CACNA1A: variants seen among roughly 807,000 people sequenced by gnomAD.
CACNA1A encodes voltage-dependent P/Q-type calcium channel subunit alpha-1A.
Under a neutral mutation model 262.4 loss-of-function variants are expected in CACNA1A, and 57 were observed. The ratio of observed to expected loss-of-function variants is 0.22; its 90% CI spans 0.18 to 0.27. The LOEUF (loss-of-function observed/expected upper bound fraction) is 0.27, where lower values mean the gene tolerates loss of function less well. CACNA1A is among the 10% of genes least tolerant of loss of function. CACNA1A has a pLI of 1.00. For synonymous variants in CACNA1A, 1,431 were observed against 1,419.3 expected, an observed-to-expected ratio of 1.01 and a Z score of -0.18; for missense variants, 2,526 against 3,562.8, an observed-to-expected ratio of 0.71 and a Z score of 7.41.
intron 8 of CACNA1A, among the ~76,000 whole-genome samples, 200 bp from the exon 9 acceptor site, chr19:13,333,125 C>A (rs1189949675): frequency 6.6e-6 from 1 of 152,108 alleles, no homozygotes; most frequent in Non-Finnish European, 1.5e-5. Context: ...ACATTCTCCC[C>A]ACCTCGCGCA....
chr19:13,297,853 G>GTC (rs1568505892), intron 19 of CACNA1A, among the ~76,000 whole-genome samples: 1 of 151,438 alleles, frequency 6.6e-6, no homozygotes, highest in Non-Finnish European at 1.5e-5. Flanking sequence ...TTGAGACAGA[G>GTC]TCTTGCTCTG....
At position 13,371,755 on chromosome 19, in the gene CACNA1A, C is replaced by T. The variant is rs955675148; in HGVS notation, c.564G>A (p.Glu188=). Residue 188 remains glutamate (E), a synonymous_variant, in exon 4 of 47, where the codon GAG becomes GAA. Transcript: ENST00000360228. ...LTGILATVGT[E]FDLRTLRAVR... is the part of the protein sequence containing the mutation. The stretch of plus-strand genomic sequence containing the variant: ...CTGCCCTCAGCGTCCGTAGGTCAAA[C>T]TCCGTCCCAACTGTCGCCAAGATGC... 1 of 1,577,146 alleles carries T rather than the reference C, an allele frequency of 6.3e-7. No homozygotes were observed. The highest frequency in any genetic ancestry group is 1.3e-5 in the African/African-American group (1 of 74,214).
chr19:13,314,271 T>G (rs1168604405), intron 11 of CACNA1A, among the ~76,000 whole-genome samples: 3 of 152,180 alleles, frequency 2.0e-5, no homozygotes, highest in Non-Finnish European at 4.4e-5. Flanking sequence ...CTAACTTCCA[T>G]GAATTTCATA....
At chr19:13,497,524 ATATATATATATATAT>A (rs1981795755) in intron 1 of CACNA1A, among the ~76,000 whole-genome samples, 1 of 1,084 alleles carries the variant, frequency 9.2e-4, no homozygotes, top group Admixed American at 0.029. Flanking sequence ...AAAAAAAAAT[ATATATATATATATAT>A]ATATATATAT....
rs774629539 is a variant in CACNA1A, at chr19:13,308,158, G to A, written c.1875C>T (p.Val625=). ...SLLFLLFLFI[V]VFALLGMQLF... ...GTTGCATTCCCAAAAGGGCGAAGACGACAATGAACAGGAAAAGGAGAAACA... is the reference window on the plus strand; with the variant it reads ...GTTGCATTCCCAAAAGGGCGAAGACAACAATGAACAGGAAAAGGAGAAACA... The change falls in exon 14 of 47, where the codon GTC becomes GTT. Residue 625 remains valine, a synonymous_variant. Transcript: ENST00000360228. The surrounding 1 kb of genome is among the most constrained non-coding windows in gnomAD (Gnocchi z 4.2). 3 of 1,613,832 alleles carry A rather than the reference G, an allele frequency of 1.9e-6. No individual in the cohort carries two copies. The highest frequency in any genetic ancestry group is 1.7e-6 in the Non-Finnish European group (2 of 1,179,884).
intron 1 of CACNA1A, among the ~76,000 whole-genome samples, chr19:13,504,891 C>A (rs576178163): frequency 7.9e-5 from 12 of 152,090 alleles, no homozygotes; most frequent in Non-Finnish European, 1.3e-4. Flanking sequence ...TAAAGAAACA[C>A]AGAAGATCTG....
chr19:13,274,867 T>C (rs1287914038), intron 24 of CACNA1A: 2 of 152,166 alleles, frequency 1.3e-5, no homozygotes, highest in African/African-American at 4.8e-5. Flanking sequence ...TACCCAGAAC[T>C]TGAAGGCCAC....
intron 19 of CACNA1A, among the ~76,000 whole-genome samples, chr19:13,288,742 C>T (rs2144898586): frequency 6.6e-6 from 1 of 152,170 alleles, no homozygotes; most frequent in Middle Eastern, 3.4e-3. Flanking sequence ...GACCCCTGGA[C>T]AACACAGCCC....
In CACNA1A at chr19:13,307,769, G is replaced by A. The variant is rs986828728; in HGVS notation, c.1986+13C>T. The A allele has an allele frequency of 6.2e-7, 1 of 1,613,210 alleles. No individual in the cohort carries two copies. The highest frequency in any genetic ancestry group is 8.5e-7 in the Non-Finnish European group (1 of 1,179,116). On this transcript the variant is annotated intron_variant, in intron 15 of 46. Coordinates refer to ENST00000360228, the MANE Select transcript of CACNA1A (RefSeq NM_001127222.2). The stretch of plus-strand genomic sequence containing the variant: ...GAGAGGTGTTGGCCCGTGGGGCCAG[G>A]TGGAGGCTGTACCTGAAACACCGTC...
At chr19:13,449,694 A>T (rs2042220050) in intron 3 of CACNA1A, among the ~76,000 whole-genome samples, 1 of 152,220 alleles carries the variant, frequency 6.6e-6, no homozygotes, top group Admixed American at 6.5e-5. Flanking sequence ...GAAGTGTAAA[A>T]ATAGGTAGCA....
intron 15 of CACNA1A, among the ~76,000 whole-genome samples, chr19:13,305,098 G>A (rs2057873800): frequency 6.6e-6 from 1 of 152,200 alleles, no homozygotes; most frequent in African/African-American, 2.4e-5. Flanking sequence ...GTAGGGGAGA[G>A]GAGAAGTGAG....
chr19:13,334,559 GTT>G lies in CACNA1A; in HGVS notation c.1083-68_1083-67del, dbSNP rs146977188. On this transcript the variant is annotated intron_variant, in intron 7 of 46. Coordinates refer to ENST00000360228, the MANE Select transcript of CACNA1A (RefSeq NM_001127222.2). Reference sequence around the variant, plus strand: ...AATGTTAGGAAACGTTTGTGTGTGTGTTTGTGTGTGTGTGTGTGTGTGTGTGT... The same window carrying G: ...AATGTTAGGAAACGTTTGTGTGTGTGTGTGTGTGTGTGTGTGTGTGTGTGT... 87,126 of 307,514 alleles carry G rather than the reference GTT, an allele frequency of 0.28. 5,457 individuals carry two copies. The highest frequency in any genetic ancestry group is 0.43 in the Admixed American group (10,604 of 24,720). 19.0% of individuals were successfully genotyped at this position (307,514 alleles called of 1,614,324 possible). A position where few individuals can be genotyped will look rare whatever the true frequency, so the allele number is the denominator to read the frequency against.
rs35977943 is a variant in CACNA1A, at chr19:13,259,139, CT to C, written c.4388+424del. On this transcript the variant is annotated intron_variant, in intron 27 of 46. Coordinates refer to ENST00000360228, the MANE Select transcript of CACNA1A (RefSeq NM_001127222.2). Reference sequence around the variant, plus strand: ...AGACTAAGTCCATGATTCAGCCTCACTTTTTTTTTTTTTTGAAGGCGGGGAG... The same window carrying C: ...AGACTAAGTCCATGATTCAGCCTCACTTTTTTTTTTTTTGAAGGCGGGGAG... 488 of 140,700 alleles carry C rather than the reference CT, an allele frequency of 3.5e-3. 1 individual carries two copies. Among genetic ancestry groups the C allele is most frequent in the African/African-American group, 9.7e-3 (370 of 38,196 alleles). The allele number at this position is 140,700 out of a possible 1,614,324, so 8.7% of individuals were successfully genotyped here.
Position 13,310,491 on chromosome 19 carries a change from T to A in CACNA1A, c.1669-1963A>T, listed in dbSNP as rs8182616. Among the ~76,000 whole-genome samples the A allele has an allele frequency of 2.9e-3, 46 of 15,774 alleles. 1 individual carries two copies. Among genetic ancestry groups the A allele is most frequent in the Non-Finnish European group, 3.6e-3 (39 of 10,900 alleles). The allele number at this position is 15,774 out of a possible 152,430, so 10.3% of individuals were successfully genotyped here. On this transcript the variant is annotated intron_variant, in intron 12 of 46. Coordinates refer to ENST00000360228, the MANE Select transcript of CACNA1A (RefSeq NM_001127222.2). ...AAAAAAAAAAAAAAAAAAAAAAAAA[T>A]ATATATATATATATATATATATGTA...
intron 3 of CACNA1A, among the ~76,000 whole-genome samples, chr19:13,411,387 G>T (rs1345425488): frequency 6.6e-6 from 1 of 152,132 alleles, no homozygotes; most frequent in Non-Finnish European, 1.5e-5. Flanking sequence ...GAATCATGGG[G>T]GCAGTTTCCC....
At chr19:13,263,401 TCAAG>T (rs1198724027) in intron 24 of CACNA1A, 1 of 154,736 alleles carries the variant, frequency 6.5e-6, no homozygotes, top group East Asian at 1.9e-4. Context: ...ACTCCTGAGC[TCAAG>T]CAATCTGCCC....
At chr19:13,497,527 T>A (rs1263333903) in intron 1 of CACNA1A, among the ~76,000 whole-genome samples, 66 of 1,098 alleles carry the variant, frequency 0.06, 13 homozygotes, top group South Asian at 0.1. Context: ...AAAAAATATA[T>A]ATATATATAT....
chr19:13,428,859 T>C (rs2060450270), intron 3 of CACNA1A, among the ~76,000 whole-genome samples: 1 of 152,028 alleles, frequency 6.6e-6, no homozygotes, highest in Admixed American at 6.6e-5. Flanking sequence ...TGCTTCTTAC[T>C]GAAGAATAGA....
At chr19:13,343,105 GTCTT>G (rs201076035) in intron 6 of CACNA1A, among the ~76,000 whole-genome samples, 1,782 of 150,184 alleles carry the variant, frequency 0.012, 36 homozygotes, top group African/African-American at 0.042. Flanking sequence ...CCTCTTTCTG[GTCTT>G]TCTTTCTTTT....
Sources: allele counts gnomAD v4.1 joint callset (sites outside exome capture counted in the v4.1 genomes callset), GRCh38; gene constraint gnomAD v4.1.1; non-coding constraint Gnocchi (gnomAD v3.1); transcripts MANE v1.5; gene names NCBI Gene and HGNC (gene_info 2026-07-23, HGNC 2026-07-21).